The following RC3H2 variants were observed in gnomAD, a reference collection of about 807,000 sequenced individuals.
RC3H2 encodes the protein roquin-2.
RC3H2 carries 31 observed loss-of-function variants against 133.3 expected under a neutral mutation model. That is an observed-to-expected ratio of 0.23 (90% CI 0.17 to 0.31). The LOEUF (loss-of-function observed/expected upper bound fraction) is 0.31, where lower values mean the gene tolerates loss of function less well. Ranked by LOEUF, RC3H2 falls within the 10% of genes least tolerant of loss-of-function variation. The probability of loss-of-function intolerance (pLI) is 1.00; values close to 1 mark genes in which losing one functional copy is unlikely to be tolerated. For missense variants in RC3H2, 1,175 were observed against 1,437.2 expected, an observed-to-expected ratio of 0.82 and a Z score of 2.95; for synonymous variants, 517 against 502.2, an observed-to-expected ratio of 1.03 and a Z score of -0.40.
rs199724802 is a variant in RC3H2, at chr9:122,869,290, CTAAAG to C, written c.1326-3638_1326-3634del. On this transcript the variant is annotated intron_variant, in intron 9 of 20. Transcript: ENST00000357244. Reference sequence around the variant, plus strand: ...TATTTGGTGTCATAATTATATATGCCTAAAGTAATGTTATTAATGTTATATATAAA... The same window carrying C: ...TATTTGGTGTCATAATTATATATGCCTAATGTTATTAATGTTATATATAAA... Among the ~76,000 whole-genome samples, 494 of 152,024 alleles carry C rather than the reference CTAAAG, an allele frequency of 3.2e-3. 2 individuals carry two copies. Among genetic ancestry groups the C allele is most frequent in the African/African-American group, 0.011 (457 of 41,456 alleles).
Position 122,855,817 on chromosome 9 carries a change from C to A in RC3H2, c.2516G>T (p.Trp839Leu). Residue 839 changes from tryptophan to leucine, a missense_variant, in exon 14 of 21, where the codon TGG becomes TTG. Coordinates refer to ENST00000357244, the MANE Select transcript of RC3H2 (RefSeq NM_001100588.3). ...ACAGGAGCCTATGGTGCCACAAGACCAGGGAGAATAATGGGAAAGATGATC... is the reference window on the plus strand; with the variant it reads ...ACAGGAGCCTATGGTGCCACAAGACAAGGGAGAATAATGGGAAAGATGATC... ...EEDHLSHYSPWSCGTIGSCIN... is the reference protein window; with the variant it reads ...EEDHLSHYSPLSCGTIGSCIN... 6.2e-7 allele frequency: 1 copy of A among 1,613,402 alleles called. No individual in the cohort carries two copies. Among genetic ancestry groups the A allele is most frequent in the Non-Finnish European group, 8.5e-7 (1 of 1,179,676 alleles).
chr9:122,870,372 C>G (rs566543040), intron 9 of RC3H2, among the ~76,000 whole-genome samples: 2 of 129,222 alleles, frequency 1.5e-5, no homozygotes, highest in East Asian at 4.2e-4. Context: ...AAGACTCTGT[C>G]TCCAAAAACA....
Position 122,854,278 on chromosome 9 carries a change from A to G in RC3H2, c.2901-12T>C, listed in dbSNP as rs768114790. The stretch of plus-strand genomic sequence containing the variant: ...CAATGAATCTGTCCCTTTAAAGAGA[A>G]ATATGTTTATTGTAATAAAAGTGAA... On this transcript the variant is annotated splice_polypyrimidine_tract_variant and intron_variant, in intron 16 of 20. Coordinates refer to ENST00000357244, the MANE Select transcript of RC3H2 (RefSeq NM_001100588.3). 6.3e-7 allele frequency: 1 copy of G among 1,595,014 alleles called. No homozygotes were observed. The highest frequency in any genetic ancestry group is 1.1e-5 in the South Asian group (1 of 89,770).
chr9:122,854,724 A>G (rs1246948539), intron 15 of RC3H2, 109 bp from the exon 16 acceptor site: 45 of 739,152 alleles, frequency 6.1e-5, no homozygotes, highest in Non-Finnish European at 9.7e-6. Flanking sequence ...TAGCCATATG[A>G]TGCTGGTTAA....
chr9:122,877,617 A>C (rs551405912), intron 8 of RC3H2, 34 bp from the exon 9 acceptor site: 1 of 1,504,692 alleles, frequency 6.6e-7, no homozygotes, highest in Non-Finnish European at 9.2e-7. Context: ...ATGAGTGGCA[A>C]GGTGAAGATT....
chr9:122,872,539 T>C (rs868636593), intron 9 of RC3H2, among the ~76,000 whole-genome samples: 19 of 152,274 alleles, frequency 1.2e-4, no homozygotes, highest in African/African-American at 4.1e-4. Flanking sequence ...ACATGTTTAC[T>C]GTTCCTCTTT....
intron 1 of RC3H2, among the ~76,000 whole-genome samples, chr9:122,901,790 C>T (rs1308657361): frequency 6.6e-6 from 1 of 151,448 alleles, no homozygotes; most frequent in Non-Finnish European, 1.5e-5. Context: ...CAGGGTTTCA[C>T]CTGTGGGTCA....
intron 4 of RC3H2, among the ~76,000 whole-genome samples, chr9:122,886,138 C>A (rs572598460): frequency 6.6e-6 from 1 of 152,194 alleles, no homozygotes; most frequent in Non-Finnish European, 1.5e-5. Flanking sequence ...TATCCACCCG[C>A]CTCGGCCTCC....
chr9:122,888,271 CAAAT>C (rs1195036144), intron 4 of RC3H2, among the ~76,000 whole-genome samples: 21 of 152,136 alleles, frequency 1.4e-4, no homozygotes, highest in African/African-American at 4.6e-4. Flanking sequence ...AATTCATTCT[CAAAT>C]GAATATGCTA....
chr9:122,862,991 T>G (rs928615898), intron 10 of RC3H2, among the ~76,000 whole-genome samples: 1 of 152,088 alleles, frequency 6.6e-6, no homozygotes, highest in African/African-American at 2.4e-5. Context: ...TAATTTTTAG[T>G]ATATTCACAA....
chr9:122,875,597 CTAAT>C (rs918209025), intron 9 of RC3H2, among the ~76,000 whole-genome samples: 12 of 152,090 alleles, frequency 7.9e-5, no homozygotes, highest in Admixed American at 5.2e-4. Context: ...AAACAGGCCA[CTAAT>C]TAATTTTATG....
Position 122,851,890 on chromosome 9 carries a change from C to T in RC3H2, c.3118-454G>A, listed in dbSNP as rs375280153. Among the ~76,000 whole-genome samples, 487 of 152,294 alleles carry T rather than the reference C, an allele frequency of 3.2e-3. 4 individuals carry two copies. The highest frequency in any genetic ancestry group is 0.013 in the East Asian group (69 of 5,170). On this transcript the variant is annotated intron_variant, in intron 18 of 20. Transcript: ENST00000357244. The stretch of plus-strand genomic sequence containing the variant: ...CGCCTGCCTTGGCCTCCCAAAAAGC[C>T]GAGATTGCAGCCTCTGCCCGGCCGC...
At chr9:122,852,449 G>A (rs1163959585) in intron 18 of RC3H2, among the ~76,000 whole-genome samples, 30 of 148,274 alleles carry the variant, frequency 2.0e-4, no homozygotes, top group African/African-American at 4.9e-4. Context: ...CGTCCGGGAG[G>A]TGAGGGGCGC....
chr9:122,878,058 T>C (rs1047074163), intron 8 of RC3H2, among the ~76,000 whole-genome samples: 5 of 152,192 alleles, frequency 3.3e-5, no homozygotes, highest in Non-Finnish European at 5.9e-5. Flanking sequence ...GCTTAAACTA[T>C]TTGAGTTCAT....
intron 9 of RC3H2, among the ~76,000 whole-genome samples, chr9:122,866,606 T>C (rs1830682422): frequency 6.6e-6 from 1 of 152,054 alleles, no homozygotes; most frequent in Non-Finnish European, 1.5e-5. Flanking sequence ...GGGGTTTCAC[T>C]GTGTTGGCTG....
chr9:122,884,057 G>A lies in RC3H2; in HGVS notation c.584-678C>T, dbSNP rs186928421. Among the ~76,000 whole-genome samples, 20 of 152,262 alleles carry A rather than the reference G, an allele frequency of 1.3e-4. No homozygotes were observed. The East Asian group carries it at 1.4e-3, about 10-fold the overall frequency. On this transcript the variant is annotated intron_variant, in intron 4 of 20. Transcript: ENST00000357244. ...CGTCTGTAATTCCAGCACTTTGGGAGGCCAAGGCGGGCGGATCACCAGGTC... is the reference window on the plus strand; with the variant it reads ...CGTCTGTAATTCCAGCACTTTGGGAAGCCAAGGCGGGCGGATCACCAGGTC...
Position 122,854,257 on chromosome 9 carries a change from G to A in RC3H2, c.2910C>T (p.Phe970=). The A allele has an allele frequency of 6.2e-7, 1 of 1,611,372 alleles. No individual in the cohort carries two copies. Among genetic ancestry groups the A allele is most frequent in the Non-Finnish European group, 8.5e-7 (1 of 1,178,366 alleles). The change falls in exon 17 of 21, where the codon TTC becomes TTT. Residue 970 remains phenylalanine (F), a synonymous_variant. Coordinates refer to ENST00000357244, the MANE Select transcript of RC3H2 (RefSeq NM_001100588.3). The part of the protein sequence containing the change: ...SSAHYVERDR[F]IVTDLSGHRK... The stretch of plus-strand genomic sequence containing the variant: ...TATGACCAGATAAATCAGTAACAAT[G>A]AATCTGTCCCTTTAAAGAGAAATAT...
intron 9 of RC3H2, among the ~76,000 whole-genome samples, chr9:122,867,972 C>A (rs1437976801): frequency 7.5e-5 from 5 of 66,322 alleles, no homozygotes; most frequent in Non-Finnish European, 9.7e-5. Flanking sequence ...CGGCCAGCCG[C>A]CCCGTCCGGG....
At position 122,891,396 on chromosome 9, in the gene RC3H2, T is replaced by C. The variant is rs141626332; in HGVS notation, c.350-851A>G. 2.6e-3 allele frequency among the ~76,000 whole-genome samples: 399 copies of C among 152,308 alleles called. 2 individuals are homozygous for C. The highest frequency in any genetic ancestry group is 8.6e-3 in the African/African-American group (356 of 41,564). On this transcript the variant is annotated intron_variant, in intron 3 of 20. Transcript: ENST00000357244. ...CTATACTCGCTATTTCCTAGTCTAG[T>C]GCCTTAACTACTTAGCCAATTGTAG...
Sources: allele counts gnomAD v4.1 joint callset (sites outside exome capture counted in the v4.1 genomes callset), GRCh38; gene constraint gnomAD v4.1.1; transcripts MANE v1.5; gene names NCBI Gene and HGNC (gene_info 2026-07-23, HGNC 2026-07-21).